SND1: variants seen among roughly 807,000 people sequenced by gnomAD.
SND1 encodes staphylococcal nuclease and tudor domain containing 1, also known as staphylococcal nuclease domain-containing protein 1.
In SND1, 38 loss-of-function variants were observed where a neutral mutation model predicts 121.7. The observed-to-expected ratio is 0.31, with a 90% CI of 0.24 to 0.41. The LOEUF (loss-of-function observed/expected upper bound fraction) is 0.41. Among genes scored for constraint, SND1 ranks in the 10% least tolerant of loss-of-function variants. The pLI is 1.00. For missense variants in SND1, 868 were observed against 1,184.6 expected (o/e 0.73, Z 3.92); for synonymous variants, 401 against 447.4 (o/e 0.90, Z 1.31).
In SND1 at chr7:128,029,852, G is replaced by C. The variant is rs376635935; in HGVS notation, c.1779+38796G>C. On this transcript the variant is annotated intron_variant, in intron 16 of 23. Coordinates refer to ENST00000354725, the MANE Select transcript of SND1 (RefSeq NM_014390.4). This position sits in a 1 kb window ranked among gnomAD's most constrained non-coding sequence, Gnocchi z 4.2. The stretch of plus-strand genomic sequence containing the variant: ...TGAGTTCCACAAGTGAAGCCAGCCC[G>C]TCAAAAGCATTCCGCTCAATCAGGC... 1 of 1,613,484 alleles carries C rather than the reference G, an allele frequency of 6.2e-7. No individual in the cohort carries two copies. Among genetic ancestry groups the C allele is most frequent in the Admixed American group, 1.7e-5 (1 of 60,028 alleles).
At chr7:127,930,827 CTTTTTATTGTGCTTCAGATATTGCATT>C (rs1800944018) in intron 15 of SND1, among the ~76,000 whole-genome samples, 1 of 152,096 alleles carries the variant, frequency 6.6e-6, no homozygotes, top group Non-Finnish European at 1.5e-5. Flanking sequence ...TATTGCACTT[CTTTTTATTGTGCTTCAGATATTGCATT>C]TTTTTTATAG....
At chr7:127,976,052 C>G (rs950790792) in intron 15 of SND1, among the ~76,000 whole-genome samples, 4 of 152,214 alleles carry the variant, frequency 2.6e-5, no homozygotes, top group Admixed American at 1.3e-4. Context: ...CCTTTCCTCT[C>G]TTATTCCCCA....
At chr7:127,798,303 T>C (rs1798062416) in intron 10 of SND1, among the ~76,000 whole-genome samples, 1 of 152,170 alleles carries the variant, frequency 6.6e-6, no homozygotes, top group Admixed American at 6.5e-5. Context: ...TCTTTTCTGC[T>C]CTCACTGTGG....
At chr7:127,919,764 A>G (rs1419600780) in intron 14 of SND1, among the ~76,000 whole-genome samples, 1 of 152,190 alleles carries the variant, frequency 6.6e-6, no homozygotes, top group African/African-American at 2.4e-5. Context: ...TAGAGTTGTT[A>G]AAAGTCTAAA....
chr7:127,755,906 A>G (rs1442352546), intron 10 of SND1, among the ~76,000 whole-genome samples: 1 of 152,252 alleles, frequency 6.6e-6, no homozygotes, highest in Non-Finnish European at 1.5e-5. Context: ...ATACAAGAGT[A>G]TGCTACTCTA....
chr7:127,946,894 T>C (rs754475618), intron 15 of SND1, among the ~76,000 whole-genome samples: 1 of 152,258 alleles, frequency 6.6e-6, no homozygotes, highest in Non-Finnish European at 1.5e-5. Flanking sequence ...ATTGCCCCAC[T>C]AGCTATTTAT....
At chr7:127,676,595 T>C (rs976775966) in intron 1 of SND1, among the ~76,000 whole-genome samples, 2 of 152,184 alleles carry the variant, frequency 1.3e-5, no homozygotes, top group African/African-American at 4.8e-5. Flanking sequence ...CCCCAGAGGA[T>C]AGAGATTTGG....
intron 12 of SND1, chr7:127,858,511 G>GT (rs900345646): frequency 1.9e-6 from 1 of 525,334 alleles, no homozygotes; most frequent in African/African-American, 1.9e-5. Context: ...CAGAAGTTCT[G>GT]TACTTTGTTT....
intron 16 of SND1, among the ~76,000 whole-genome samples, chr7:128,033,978 CA>C (rs959855671): frequency 6.6e-6 from 1 of 152,204 alleles, no homozygotes; most frequent in African/African-American, 2.4e-5. Context: ...GTTTAATCTT[CA>C]TTTACCCAGT....
rs142538944 is a variant in SND1 at position 127,997,719 on chromosome 7, G to A, written c.1779+6663G>A. Reference sequence around the variant, plus strand: ...ATGTCTCACCACCCCCACTCACTTCGTAATTCGTGCCTTATCAGAATGGAC... The same window carrying A: ...ATGTCTCACCACCCCCACTCACTTCATAATTCGTGCCTTATCAGAATGGAC... On this transcript the variant is annotated intron_variant, in intron 16 of 23. Transcript: ENST00000354725. 158 of 533,088 alleles carry A rather than the reference G, an allele frequency of 3.0e-4. 1 individual carries two copies. Among genetic ancestry groups the A allele is most frequent in the Middle Eastern group, 9.6e-4 (3 of 3,136 alleles). 33.0% of individuals were successfully genotyped at this position (533,088 alleles called of 1,614,324 possible). A position where few individuals can be genotyped will look rare whatever the true frequency, so the allele number is the denominator to read the frequency against.
At chr7:127,959,168 T>C (rs1160541796) in intron 15 of SND1, among the ~76,000 whole-genome samples, 3 of 152,184 alleles carry the variant, frequency 2.0e-5, no homozygotes, top group Non-Finnish European at 4.4e-5. Flanking sequence ...CAGGCATTGC[T>C]GTGTGCTCTA....
At chr7:127,717,346 A>G (rs1362257747) in intron 9 of SND1, among the ~76,000 whole-genome samples, 2 of 152,186 alleles carry the variant, frequency 1.3e-5, no homozygotes, top group Non-Finnish European at 2.9e-5. Flanking sequence ...TGGATATGCC[A>G]GTGTCTCAGA....
intron 15 of SND1, 63 bp downstream of exon 15, chr7:127,929,392 T>A (rs1343823989): frequency 5.2e-6 from 8 of 1,551,924 alleles, no homozygotes; most frequent in Non-Finnish European, 7.1e-6. Context: ...CCACATACCC[T>A]CCTTTCCCCC....
chr7:127,841,352 G>T (rs533125551), intron 11 of SND1, among the ~76,000 whole-genome samples: 1 of 152,056 alleles, frequency 6.6e-6, no homozygotes. Context: ...GTGAAAACAC[G>T]AAAGATACAT....
intron 15 of SND1, among the ~76,000 whole-genome samples, chr7:127,954,990 G>A (rs1000290241): frequency 2.0e-5 from 3 of 152,166 alleles, no homozygotes; most frequent in Non-Finnish European, 4.4e-5. Flanking sequence ...ATCTGCAGTG[G>A]GATCCTGCCA....
rs116754052 is a variant in SND1, at chr7:127,984,506, G to C, written c.1670-6441G>C. Among the ~76,000 whole-genome samples the C allele has an allele frequency of 2.0e-3, 306 of 152,230 alleles. 2 individuals carry two copies. The highest frequency in any genetic ancestry group is 7.0e-3 in the African/African-American group (292 of 41,532). On this transcript the variant is annotated intron_variant, in intron 15 of 23. Coordinates refer to ENST00000354725, the MANE Select transcript of SND1 (RefSeq NM_014390.4). ...AGACTAAACCTCATCTCAGCTCTGC[G>C]CCCTGACAGTTCATCAACCATCTCT...
At position 127,702,426 on chromosome 7, in the gene SND1, G is replaced by C. The variant is rs1796120689; in HGVS notation, c.590-9G>C. 1.2e-6 allele frequency: 2 copies of C among 1,612,580 alleles called. No individual in the cohort carries two copies. Among genetic ancestry groups the C allele is most frequent in the African/African-American group, 2.7e-5 (2 of 75,024 alleles). On this transcript the variant is annotated splice_polypyrimidine_tract_variant and intron_variant, in intron 5 of 23. Transcript: ENST00000354725. The stretch of plus-strand genomic sequence containing the variant: ...GCTAAGGACTTAAGCTGTTTATTCT[G>C]TCACACAGCTATCATCGAGCATGTG...
At chr7:127,874,560 A>G (rs774367389) in intron 12 of SND1, among the ~76,000 whole-genome samples, 3 of 151,998 alleles carry the variant, frequency 2.0e-5, no homozygotes, top group Admixed American at 1.3e-4. Context: ...TGATACTTCT[A>G]TTCACACTCC....
At chr7:127,876,426 A>G (rs1799692127) in intron 12 of SND1, among the ~76,000 whole-genome samples, 1 of 152,130 alleles carries the variant, frequency 6.6e-6, no homozygotes, top group East Asian at 1.9e-4. Context: ...AAAACACTGT[A>G]GGTTTGAGTT....
Sources: allele counts gnomAD v4.1 joint callset (sites outside exome capture counted in the v4.1 genomes callset), GRCh38; gene constraint gnomAD v4.1.1; non-coding constraint Gnocchi (gnomAD v3.1); transcripts MANE v1.5; gene names NCBI Gene and HGNC (gene_info 2026-07-23, HGNC 2026-07-21).